Variants in YTHDC1 observed in about 807,000 individuals in gnomAD.
YTHDC1 encodes YTH N6-methyladenosine RNA binding protein C1.
A neutral mutation model predicts 107.0 loss-of-function variants in YTHDC1; 12 were observed. The observed-to-expected ratio is 0.11, with a 90% CI of 0.07 to 0.18. The LOEUF (loss-of-function observed/expected upper bound fraction) is 0.18. YTHDC1 is among the 10% of genes least tolerant of loss of function. The pLI is 1.00. For missense variants in YTHDC1, 635 were observed against 898.8 expected (o/e 0.71, Z 3.75); for synonymous variants, 280 against 289.5 (o/e 0.97, Z 0.33).
At chr4:68,320,226 A>C (rs1454747183) in intron 11 of YTHDC1, 21 bp from the exon 12 acceptor site, 2 of 1,578,258 alleles carry the variant, frequency 1.3e-6, no homozygotes, top group Non-Finnish European at 1.7e-6. Flanking sequence ...TAGACACATT[A>C]GAAATTAAAC....
At chr4:68,326,677 G>A (rs567769379) in intron 9 of YTHDC1, among the ~76,000 whole-genome samples, 55 of 152,046 alleles carry the variant, frequency 3.6e-4, no homozygotes, top group African/African-American at 1.3e-3. Context: ...TGCAACCTCC[G>A]CCTCCTGAGT....
chr4:68,326,238 T>G (rs569483194), intron 9 of YTHDC1, among the ~76,000 whole-genome samples: 1 of 152,200 alleles, frequency 6.6e-6, no homozygotes, highest in Non-Finnish European at 1.5e-5. Flanking sequence ...GGGGTTGAGA[T>G]TCTTTGGTGG....
intron 15 of YTHDC1, 68 bp from the exon 16 acceptor site, chr4:68,316,516 C>A (rs1232659753): frequency 3.3e-6 from 5 of 1,535,810 alleles, no homozygotes; most frequent in East Asian, 2.3e-5. Flanking sequence ...TTCTTAGAAC[C>A]CTTCATCCAA....
intron 9 of YTHDC1, among the ~76,000 whole-genome samples, chr4:68,327,787 G>C (rs1723158429): frequency 6.6e-6 from 1 of 152,106 alleles, no homozygotes; most frequent in Non-Finnish European, 1.5e-5. Context: ...ACTCAAGAGA[G>C]TTCAAGTGAC....
At chr4:68,339,593 C>T (rs1028123476) in intron 1 of YTHDC1, among the ~76,000 whole-genome samples, 2 of 118,436 alleles carry the variant, frequency 1.7e-5, no homozygotes, top group African/African-American at 6.3e-5. Flanking sequence ...AAAAAGTGTG[C>T]ACACATGCAC....
chr4:68,316,332 T>A lies in YTHDC1; in HGVS notation c.1941A>T (p.Arg647Ser). ...CACTTACTACTCGTTTATCTCTGTATCTTGCTTCATGTGGTACTGGATGAT... is the reference window on the plus strand; with the variant it reads ...CACTTACTACTCGTTTATCTCTGTAACTTGCTTCATGTGGTACTGGATGAT... ...SGHHPVPHEA[R>S]YRDKRVHDYD... Residue 647 changes from arginine (R) to serine (S), a missense_variant, in exon 16 of 17, where the codon AGA (arginine) becomes AGT (serine). Physicochemically the swap from Arg to Ser is moderately radical, Grantham distance 110 (BLOSUM62 -1). Around this residue, in one of 5 missense-constraint regions of YTHDC1, gnomAD observed 256 missense variants for 372.9 expected, o/e 0.69. Coordinates refer to ENST00000344157, the MANE Select transcript of YTHDC1 (RefSeq NM_001031732.4). The A allele has an allele frequency of 6.2e-7, 1 of 1,613,426 alleles. No homozygotes were observed. The highest frequency in any genetic ancestry group is 8.5e-7 in the Non-Finnish European group (1 of 1,179,642).
chr4:68,343,546 T>TC (rs1725092343), intron 1 of YTHDC1, among the ~76,000 whole-genome samples: 3 of 148,282 alleles, frequency 2.0e-5, no homozygotes, highest in Admixed American at 6.7e-5. Context: ...AAAAAAAATT[T>TC]TTTTTTTTTT....
Position 68,327,673 on chromosome 4 carries a change from T to C in YTHDC1, c.1349+2329A>G, listed in dbSNP as rs188723928. On this transcript the variant is annotated intron_variant, in intron 9 of 16. Transcript: ENST00000344157. ...ATTATATCTGCAAAAGAAAAAAATA[T>C]TAACAGCAGTTACTGTTGATAGCAA... 3.0e-4 allele frequency among the ~76,000 whole-genome samples: 45 copies of C among 152,312 alleles called. 1 individual carries two copies. The East Asian group carries it at 6.9e-3, about 24-fold the overall frequency.
chr4:68,322,417 T>TC lies in YTHDC1; in HGVS notation c.1601+331dup, dbSNP rs1483115013. The TC allele has an allele frequency of 1.2e-5, 3 of 244,044 alleles. No individual in the cohort carries two copies. The highest frequency in any genetic ancestry group is 2.3e-5 in the Non-Finnish European group (3 of 129,034). The allele number at this position is 244,044 out of a possible 1,614,324, so 15.1% of individuals were successfully genotyped here. A position where few individuals can be genotyped will look rare whatever the true frequency, so the allele number is the denominator to read the frequency against. ...ATTTTTGCAAATAAAGACTTCCTCCTCTTCCTCCTTTCTAGCCTGTTCTTA... is the reference window on the plus strand; with the variant it reads ...ATTTTTGCAAATAAAGACTTCCTCCTCCTTCCTCCTTTCTAGCCTGTTCTTA... On this transcript the variant is annotated intron_variant, in intron 11 of 16. Coordinates refer to ENST00000344157, the MANE Select transcript of YTHDC1 (RefSeq NM_001031732.4). This position sits in a 1 kb window ranked among gnomAD's most constrained non-coding sequence, Gnocchi z 4.8.
At chr4:68,328,777 C>T (rs901672526) in intron 9 of YTHDC1, among the ~76,000 whole-genome samples, 2 of 152,122 alleles carry the variant, frequency 1.3e-5, no homozygotes, top group African/African-American at 4.8e-5. Context: ...ATTGTGTGAA[C>T]ATCACAGAAT....
chr4:68,313,203 G>A lies in YTHDC1; in HGVS notation c.*896C>T, dbSNP rs1038308537. ...CTAGGTCAATCATTTCTGCTAAAGTGTGCCTCAAAAAAAGCAAATGGGGTT... is the reference window on the plus strand; with the variant it reads ...CTAGGTCAATCATTTCTGCTAAAGTATGCCTCAAAAAAAGCAAATGGGGTT... On this transcript the variant is annotated 3_prime_UTR_variant, in exon 17 of 17. Transcript: ENST00000344157. The A allele has an allele frequency of 6.6e-6, 1 of 152,072 alleles. No homozygotes were observed. The highest frequency in any genetic ancestry group is 1.5e-5 in the Non-Finnish European group (1 of 68,004). The allele number at this position is 152,072 out of a possible 1,614,324, so 9.4% of individuals were successfully genotyped here. A position where few individuals can be genotyped will look rare whatever the true frequency, so the allele number is the denominator to read the frequency against.
chr4:68,338,450 TACTA>T (rs1425539607), intron 1 of YTHDC1, 66 bp from the exon 2 acceptor site: 1 of 1,267,538 alleles, frequency 7.9e-7, no homozygotes, highest in Non-Finnish European at 1.1e-6. Flanking sequence ...TTTGAGTACT[TACTA>T]AGTGTGAGGC....
At chr4:68,338,411 G>C in intron 1 of YTHDC1, 27 bp from the exon 2 acceptor site, 1 of 1,521,298 alleles carries the variant, frequency 6.6e-7, no homozygotes, top group South Asian at 1.2e-5. Context: ...AAATTAATAG[G>C]GAAAAATCAC....
intron 13 of YTHDC1, 44 bp from the exon 14 acceptor site, chr4:68,318,773 A>C: frequency 6.2e-7 from 1 of 1,614,138 alleles, no homozygotes; most frequent in African/African-American, 1.3e-5. Context: ...GGTAATTCAT[A>C]AACTAGTTCC....
At chr4:68,333,031 T>A (rs1207159375) in intron 5 of YTHDC1, among the ~76,000 whole-genome samples, 184 bp from the exon 6 acceptor site, 1 of 152,078 alleles carries the variant, frequency 6.6e-6, no homozygotes, top group Non-Finnish European at 1.5e-5. Flanking sequence ...TGGATTTTTT[T>A]AAAAGTATGT....
In YTHDC1 at chr4:68,332,758, G is replaced by A. The variant is rs751647190; in HGVS notation, c.1027+36C>T. On this transcript the variant is annotated intron_variant, in intron 6 of 16. Coordinates refer to ENST00000344157, the MANE Select transcript of YTHDC1 (RefSeq NM_001031732.4). ...AATAAGGAAAAATAATGACTATGCAGCATGCAATGAAAACAATTTCAAATT... is the reference window on the plus strand; with the variant it reads ...AATAAGGAAAAATAATGACTATGCAACATGCAATGAAAACAATTTCAAATT... 3.1e-6 allele frequency: 5 copies of A among 1,588,400 alleles called. No homozygotes were observed. The South Asian group carries it at 3.3e-5, about 11-fold the overall frequency.
At chr4:68,333,689 C>T (rs761457987) in intron 4 of YTHDC1, among the ~76,000 whole-genome samples, 3 of 151,114 alleles carry the variant, frequency 2.0e-5, no homozygotes, top group African/African-American at 4.9e-5. Flanking sequence ...GTTTTCCAAG[C>T]GGGGGGGGAA....
At chr4:68,346,080 T>C (rs1343206709) in intron 1 of YTHDC1, among the ~76,000 whole-genome samples, 2 of 83,626 alleles carry the variant, frequency 2.4e-5, no homozygotes, top group African/African-American at 9.0e-5. Context: ...TGTGTGTACA[T>C]ATATATATAT....
intron 9 of YTHDC1, among the ~76,000 whole-genome samples, chr4:68,325,531 A>G (rs569462348): frequency 6.6e-6 from 1 of 152,316 alleles, no homozygotes; most frequent in East Asian, 1.9e-4. Context: ...TTGAAAGTGA[A>G]TATTGCCTGC....
Sources: allele counts gnomAD v4.1 joint callset (sites outside exome capture counted in the v4.1 genomes callset), GRCh38; gene constraint gnomAD v4.1.1; regional missense constraint gnomAD v4.1.1; non-coding constraint Gnocchi (gnomAD v3.1); transcripts MANE v1.5; gene names NCBI Gene and HGNC (gene_info 2026-07-23, HGNC 2026-07-21).